Variants in SV2C observed in about 807,000 individuals in gnomAD.
The protein encoded by SV2C is synaptic vesicle glycoprotein 2C.
A neutral mutation model predicts 79.7 loss-of-function variants in SV2C; 49 were observed. That is an observed-to-expected ratio of 0.61 (90% CI 0.49 to 0.78). SV2C has a LOEUF of 0.78. SV2C is among the 30% of genes least tolerant of loss of function. SV2C has a pLI of 0.00. For missense variants in SV2C, 833 were observed against 912.9 expected (o/e 0.91, Z 1.13); for synonymous variants, 334 against 333.2 (o/e 1.00, Z -0.03).
rs774775520 is a variant in SV2C, at chr5:76,131,750, G to A, written c.-1G>A. Reference sequence around the variant, plus strand: ...TCTCATTGGCCATCAGTTGAGATAAGATGGAAGACTCTTACAAGGATAGGA... The same window carrying A: ...TCTCATTGGCCATCAGTTGAGATAAAATGGAAGACTCTTACAAGGATAGGA... On this transcript the variant is annotated 5_prime_UTR_variant, in exon 2 of 13. Transcript: ENST00000502798. 31 of 1,595,504 alleles carry A rather than the reference G, an allele frequency of 1.9e-5. No individual in the cohort carries two copies. Among genetic ancestry groups the A allele is most frequent in the Middle Eastern group, 1.7e-4 (1 of 5,972 alleles).
rs1217756500 is a variant in SV2C at position 76,131,826 on chromosome 5, A to G, written c.76A>G (p.Thr26Ala). The change falls in exon 2 of 13, where the codon ACA becomes GCA. Residue 26 changes from threonine to alanine, a missense_variant. By Grantham distance (58) the Thr-to-Ala change is moderately conservative (BLOSUM62 0). Coordinates refer to ENST00000502798, the MANE Select transcript of SV2C (RefSeq NM_014979.4). ...KDIAREVKKQ[T>A]VKKVNQAVDR... Reference sequence around the variant, plus strand: ...CATTGCCAGAGAGGTGAAGAAACAAACAGTAAAGAAGGTGAATCAAGCTGT... The same window carrying G: ...CATTGCCAGAGAGGTGAAGAAACAAGCAGTAAAGAAGGTGAATCAAGCTGT... 1 of 1,614,002 alleles carries G rather than the reference A, an allele frequency of 6.2e-7. No individual in the cohort carries two copies. The highest frequency in any genetic ancestry group is 8.5e-7 in the Non-Finnish European group (1 of 1,180,010).
At chr5:76,033,581 G>A in the SV2C span, among the ~76,000 whole-genome samples, 2 of 152,144 alleles carry the variant, frequency 1.3e-5, no homozygotes, top group Non-Finnish European at 2.9e-5. Context: ...TATTTCTGAG[G>A]GCTCTGTTCT....
At chr5:76,009,107 C>T in the SV2C span, among the ~76,000 whole-genome samples, 3 of 152,130 alleles carry the variant, frequency 2.0e-5, no homozygotes, top group East Asian at 1.9e-4. Context: ...AATATCCTTC[C>T]TTGCTATTTC....
the SV2C span, among the ~76,000 whole-genome samples, chr5:76,034,591 G>A: frequency 2.6e-5 from 4 of 152,138 alleles, no homozygotes; most frequent in African/African-American, 9.7e-5. Context: ...GCATCCCAGG[G>A]ATGAAGCCCA....
At chr5:75,936,283 T>G in the SV2C span, among the ~76,000 whole-genome samples, 1 of 152,224 alleles carries the variant, frequency 6.6e-6, no homozygotes, top group African/African-American at 2.4e-5. Context: ...TGTCCTCCTC[T>G]GCTTTTTGTT....
intron 4 of SV2C, among the ~76,000 whole-genome samples, chr5:76,276,395 G>A (rs1393242560): frequency 1.3e-5 from 2 of 152,202 alleles, no homozygotes; most frequent in Non-Finnish European, 2.9e-5. Flanking sequence ...AAGGCAGGAG[G>A]AGTACCCAAC....
intron 2 of SV2C, among the ~76,000 whole-genome samples, chr5:76,170,106 A>G (rs1007491615): frequency 6.6e-6 from 1 of 151,830 alleles, no homozygotes; most frequent in African/African-American, 2.4e-5. Flanking sequence ...AAATTGCACC[A>G]CTTTAATTAA....
intron 2 of SV2C, among the ~76,000 whole-genome samples, chr5:76,135,132 C>T (rs1007193339): frequency 6.6e-6 from 1 of 152,180 alleles, no homozygotes; most frequent in Non-Finnish European, 1.5e-5. Flanking sequence ...CAAGGATTTG[C>T]TCATTGATTA....
At chr5:76,152,551 G>T (rs543533421) in intron 2 of SV2C, among the ~76,000 whole-genome samples, 7 of 152,280 alleles carry the variant, frequency 4.6e-5, no homozygotes, top group Middle Eastern at 3.4e-3. Context: ...AGTACCTCTG[G>T]ATTAAAAATA....
At chr5:75,971,628 T>G in the SV2C span, among the ~76,000 whole-genome samples, 13 of 152,104 alleles carry the variant, frequency 8.5e-5, no homozygotes, top group African/African-American at 1.9e-4. Flanking sequence ...GGGACATGAA[T>G]GACCTCTTCA....
the SV2C span, among the ~76,000 whole-genome samples, chr5:75,919,343 T>G: frequency 6.6e-6 from 1 of 152,242 alleles, no homozygotes; most frequent in East Asian, 1.9e-4. Context: ...ACAGTGTTTT[T>G]CTACCTTATG....
the SV2C span, among the ~76,000 whole-genome samples, chr5:76,049,779 T>G: frequency 2.6e-5 from 4 of 152,330 alleles, no homozygotes; most frequent in East Asian, 7.7e-4. Flanking sequence ...TTTCAATGAG[T>G]AGCAGCTTTC....
intron 4 of SV2C, among the ~76,000 whole-genome samples, chr5:76,222,189 G>T (rs1180305042): frequency 6.6e-6 from 1 of 152,058 alleles, no homozygotes; most frequent in Non-Finnish European, 1.5e-5. Flanking sequence ...ATAAAAACTT[G>T]TATCCACACA....
At chr5:75,908,916 T>G in the SV2C span, among the ~76,000 whole-genome samples, 1 of 145,234 alleles carries the variant, frequency 6.9e-6, no homozygotes, top group African/African-American at 2.8e-5. Flanking sequence ...TGAAAAACTT[T>G]TGATATTCAA....
intron 3 of SV2C, among the ~76,000 whole-genome samples, chr5:76,197,793 A>G (rs942584187): frequency 6.6e-6 from 1 of 150,762 alleles, no homozygotes; most frequent in Non-Finnish European, 1.5e-5. Context: ...GAGGAGTCCC[A>G]TGGCAGGCCT....
At chr5:75,984,567 A>ATCTATCTATCTATATC in the SV2C span, among the ~76,000 whole-genome samples, 258 of 102,898 alleles carry the variant, frequency 2.5e-3, 1 homozygote, top group Middle Eastern at 0.011. Flanking sequence ...CTATCTATCT[A>ATCTATCTATCTATATC]TATCTATCTA....
the SV2C span, among the ~76,000 whole-genome samples, chr5:76,052,972 A>G: frequency 6.6e-6 from 1 of 151,972 alleles, no homozygotes; most frequent in South Asian, 2.1e-4. Context: ...TTATAACAAA[A>G]TTTCAGACAT....
the SV2C span, among the ~76,000 whole-genome samples, chr5:76,069,859 AACACACACAC>A: frequency 1.8e-5 from 1 of 55,184 alleles, no homozygotes; most frequent in Non-Finnish European, 4.4e-5. Context: ...CACACACACA[AACACACACAC>A]ACACACACCC....
intron 2 of SV2C, among the ~76,000 whole-genome samples, chr5:76,133,598 A>G (rs1258312290): frequency 9.2e-5 from 14 of 152,184 alleles, no homozygotes; most frequent in Admixed American, 9.2e-4. Flanking sequence ...AAATGGATCC[A>G]TGAAAGTAGA....
Sources: gnomAD v4.1 joint callset for allele counts (sites outside exome capture counted in the v4.1 genomes callset) on GRCh38, gnomAD v4.1.1 for gene constraint, MANE v1.5 for transcripts, NCBI Gene and HGNC (gene_info 2026-07-23, HGNC 2026-07-21) for gene names.